Variants in CSMD1 observed in about 807,000 individuals in gnomAD.
The protein encoded by CSMD1 is CUB and sushi domain-containing protein 1.
CSMD1 carries 213 observed loss-of-function variants against 417.5 expected under a neutral mutation model. That is an observed-to-expected ratio of 0.51 (90% CI 0.46 to 0.57). CSMD1 has a LOEUF of 0.57. Ranked by LOEUF, CSMD1 falls within the 20% of genes least tolerant of loss-of-function variation. The pLI, the probability that CSMD1 is intolerant of heterozygous loss-of-function variation, is 0.00. For missense variants in CSMD1, 6,923 were observed against 4,529.7 expected (o/e 1.53, Z -15.17); for synonymous variants, 2,862 against 1,736.8 (o/e 1.65, Z -16.11).
chr8:3,984,944 A>C (rs1814206733), intron 5 of CSMD1, among the ~76,000 whole-genome samples: 3 of 152,142 alleles, frequency 2.0e-5, no homozygotes, highest in Admixed American at 2.0e-4. Flanking sequence ...CTTTAAAATT[A>C]ACACTTTAGA....
intron 23 of CSMD1, 36 bp from the exon 24 acceptor site, chr8:3,308,539 A>C: frequency 3.2e-6 from 5 of 1,542,372 alleles, no homozygotes; most frequent in Non-Finnish European, 2.7e-6. Flanking sequence ...AACAGAACTC[A>C]AGGGTGGACA....
chr8:3,267,700 C>T (rs567113263), intron 26 of CSMD1, among the ~76,000 whole-genome samples: 3 of 152,306 alleles, frequency 2.0e-5, no homozygotes, highest in South Asian at 2.1e-4. Flanking sequence ...TATAGAGTAA[C>T]GGGCTGACAT....
intron 10 of CSMD1, among the ~76,000 whole-genome samples, chr8:3,555,190 T>G (rs146715652): frequency 2.0e-5 from 3 of 150,100 alleles, no homozygotes; most frequent in African/African-American, 2.5e-5. Context: ...GTCTGGGAGG[T>G]GTAGGGAAAG....
intron 8 of CSMD1, among the ~76,000 whole-genome samples, chr8:3,606,375 T>C (rs978772672): frequency 1.8e-4 from 28 of 152,192 alleles, no homozygotes; most frequent in African/African-American, 6.3e-4. Flanking sequence ...CCATACGGCA[T>C]GTTACTGTAC....
intron 3 of CSMD1, among the ~76,000 whole-genome samples, chr8:4,104,688 G>C (rs951267183): frequency 6.6e-6 from 1 of 152,172 alleles, no homozygotes; most frequent in Admixed American, 6.5e-5. Flanking sequence ...CACAGTTCCA[G>C]GCGGTTTCAC....
intron 3 of CSMD1, among the ~76,000 whole-genome samples, chr8:4,326,670 A>C (rs1031835776): frequency 2.6e-5 from 4 of 152,342 alleles, no homozygotes; most frequent in Middle Eastern, 6.8e-3. Context: ...CAAAGACCAA[A>C]GGAAAAGGTC....
At chr8:4,174,915 G>A (rs573607447) in intron 3 of CSMD1, among the ~76,000 whole-genome samples, 1 of 150,754 alleles carries the variant, frequency 6.6e-6, no homozygotes, top group Non-Finnish European at 1.5e-5. Context: ...CATCTTTGCA[G>A]AACTGATGTC....
intron 1 of CSMD1, among the ~76,000 whole-genome samples, chr8:4,856,010 G>C (rs1351679712): frequency 2.6e-5 from 4 of 151,986 alleles, no homozygotes; most frequent in Admixed American, 6.6e-5. Flanking sequence ...AGGGCAGCCA[G>C]AGAGAAAGGT....
chr8:4,123,501 T>C (rs1585364427), intron 3 of CSMD1, among the ~76,000 whole-genome samples: 2 of 152,328 alleles, frequency 1.3e-5, no homozygotes, highest in South Asian at 2.1e-4. Flanking sequence ...TTTTAGAAGA[T>C]TCGGGACTGT....
At chr8:3,794,251 T>G (rs538515999) in intron 5 of CSMD1, among the ~76,000 whole-genome samples, 3 of 152,208 alleles carry the variant, frequency 2.0e-5, no homozygotes, top group African/African-American at 4.8e-5. Context: ...AGTTGAGATG[T>G]TGATGGCCTG....
intron 2 of CSMD1, among the ~76,000 whole-genome samples, chr8:4,474,163 C>A (rs1425375411): frequency 6.6e-6 from 1 of 152,084 alleles, no homozygotes; most frequent in Non-Finnish European, 1.5e-5. Flanking sequence ...ACAATTTCCA[C>A]ACATGGAAAT....
rs75084613 is a variant in CSMD1 at position 3,897,250 on chromosome 8, C to A, written c.818+100653G>T. ...ACACAGCCTACCCTTTCTACAGAGA[C>A]AACGGTCATAGTGTGACTAGCAATT... On this transcript the variant is annotated intron_variant, in intron 5 of 69. Transcript: ENST00000635120. 1.6e-3 allele frequency among the ~76,000 whole-genome samples: 238 copies of A among 152,256 alleles called. 9 individuals carry two copies. The East Asian group carries it at 0.039, about 25-fold the overall frequency.
chr8:3,660,113 T>G lies in CSMD1; in HGVS notation c.1010-43316A>C, dbSNP rs535823128. Among the ~76,000 whole-genome samples the G allele has an allele frequency of 2.0e-5, 3 of 152,316 alleles. No homozygotes were observed. The South Asian group carries it at 6.2e-4, about 32-fold the overall frequency. On this transcript the variant is annotated intron_variant, in intron 7 of 69. Transcript: ENST00000635120. ...CATCGTGATGTATGTGGCTGACATT[T>G]TATAGTTTGCAAAATACTTTCAACT...
chr8:3,296,107 T>A (rs1803945453), intron 25 of CSMD1, among the ~76,000 whole-genome samples: 1 of 151,476 alleles, frequency 6.6e-6, no homozygotes. Flanking sequence ...ATTGAAGAAA[T>A]AAAAAAGTAG....
intron 1 of CSMD1, among the ~76,000 whole-genome samples, chr8:4,794,430 A>G (rs761316758): frequency 2.0e-5 from 3 of 152,180 alleles, no homozygotes; most frequent in Non-Finnish European, 4.4e-5. Flanking sequence ...TATTTATGAC[A>G]GCATTTAAAA....
intron 8 of CSMD1, among the ~76,000 whole-genome samples, chr8:3,614,774 G>C (rs1042508182): frequency 1.3e-5 from 2 of 152,208 alleles, no homozygotes; most frequent in African/African-American, 4.8e-5. Context: ...GCCACGCACA[G>C]TTTTAGTCAC....
At chr8:3,711,250 G>A (rs1233790418) in intron 6 of CSMD1, among the ~76,000 whole-genome samples, 1 of 152,142 alleles carries the variant, frequency 6.6e-6, no homozygotes, top group African/African-American at 2.4e-5. Flanking sequence ...TGGTTACATG[G>A]CTGGAAAAAA....
rs1329680144 is a variant in CSMD1, at chr8:3,444,926, G to A, written c.1561+23786C>T. On this transcript the variant is annotated intron_variant, in intron 12 of 69. Transcript: ENST00000635120. ...CTGGTCAGTGCACGTCAGTCACCCC[G>A]TCTCCTGATGGGAGAAAACACCACT... is the stretch of plus-strand genomic sequence containing the variant. Among the ~76,000 whole-genome samples the A allele has an allele frequency of 1.3e-4, 20 of 152,226 alleles. 1 individual carries two copies. Among genetic ancestry groups the A allele is most frequent in the South Asian group, 2.1e-4 (1 of 4,816 alleles).
intron 1 of CSMD1, among the ~76,000 whole-genome samples, chr8:4,808,283 G>C (rs1474227760): frequency 6.6e-6 from 1 of 152,108 alleles, no homozygotes; most frequent in Non-Finnish European, 1.5e-5. Context: ...GGTTGAAAAA[G>C]GGTGCTAATT....
Sources: gnomAD v4.1 joint callset for allele counts (sites outside exome capture counted in the v4.1 genomes callset) on GRCh38, gnomAD v4.1.1 for gene constraint, MANE v1.5 for transcripts, NCBI Gene and HGNC (gene_info 2026-07-23, HGNC 2026-07-21) for gene names.